EFR3B: variants seen among roughly 807,000 people sequenced by gnomAD.
EFR3B encodes protein EFR3 homolog B.
EFR3B carries 64 observed loss-of-function variants against 104.7 expected under a neutral mutation model. The ratio of observed to expected loss-of-function variants is 0.61; its 90% CI spans 0.50 to 0.75. The LOEUF (loss-of-function observed/expected upper bound fraction) is 0.75. Among genes scored for constraint, EFR3B ranks in the 30% least tolerant of loss-of-function variants. The pLI is 0.00. For missense variants in EFR3B, 750 were observed against 1,078.5 expected (o/e 0.70, Z 4.27); for synonymous variants, 385 against 417.9 (o/e 0.92, Z 0.96).
intron 4 of EFR3B, among the ~76,000 whole-genome samples, chr2:25,119,594 G>A (rs547789432): frequency 2.0e-5 from 3 of 152,272 alleles, no homozygotes; most frequent in East Asian, 1.9e-4. Context: ...CCTCTTCTGC[G>A]TCACCACATC....
chr2:25,142,241 G>A (rs1476861553), intron 17 of EFR3B, among the ~76,000 whole-genome samples: 1 of 152,032 alleles, frequency 6.6e-6, no homozygotes, highest in Non-Finnish European at 1.5e-5. Flanking sequence ...TCAGAAGTTC[G>A]AGACCATCCT....
At chr2:25,143,013 C>G (rs568676669) in intron 17 of EFR3B, among the ~76,000 whole-genome samples, 1,984 of 148,682 alleles carry the variant, frequency 0.013, 44 homozygotes, top group African/African-American at 0.044. Flanking sequence ...TTTGGGAGGC[C>G]GAGGCGGGCG....
chr2:25,123,844 T>A (rs1318356076), intron 5 of EFR3B, among the ~76,000 whole-genome samples: 3 of 152,218 alleles, frequency 2.0e-5, no homozygotes, highest in African/African-American at 7.2e-5. Context: ...ATACACATGA[T>A]CTGTAGTGTG....
At chr2:25,077,331 A>G (rs756001291) in intron 1 of EFR3B, among the ~76,000 whole-genome samples, 7 of 152,184 alleles carry the variant, frequency 4.6e-5, no homozygotes, top group Non-Finnish European at 1.0e-4. Context: ...GTTGTCGCCT[A>G]TGCTGGAGTG....
Position 25,136,717 on chromosome 2 carries a change from A to G in EFR3B, c.1560+119A>G, listed in dbSNP as rs575165724. On this transcript the variant is annotated intron_variant, in intron 14 of 22. Coordinates refer to ENST00000403714, the MANE Select transcript of EFR3B (RefSeq NM_014971.2). The surrounding 1 kb of genome is among the most constrained non-coding windows in gnomAD (Gnocchi z 4.0). ...GATCACTTGAGGTGGGGAGCTCGAG[A>G]CCAGCCAGACCAACATGGTAAAATC... The G allele has an allele frequency of 2.8e-4, 214 of 758,676 alleles. No homozygotes were observed. In the African/African-American group the frequency reaches 3.0e-3, roughly 11 times the overall value. The allele number at this position is 758,676 out of a possible 1,614,324, so 47.0% of individuals were successfully genotyped here.
intron 1 of EFR3B, among the ~76,000 whole-genome samples, chr2:25,053,916 CA>C (rs1310743746): frequency 5.3e-5 from 8 of 152,096 alleles, no homozygotes; most frequent in Non-Finnish European, 8.8e-5. Context: ...AACAAACAAA[CA>C]AAACCAAAAA....
chr2:25,118,766 C>T (rs1220487758), intron 4 of EFR3B, among the ~76,000 whole-genome samples: 1 of 118,702 alleles, frequency 8.4e-6, no homozygotes, highest in Non-Finnish European at 1.7e-5. Context: ...AAAGGCAGGG[C>T]GTGGTGGTTC....
At chr2:25,124,070 G>A (rs749225984) in intron 5 of EFR3B, among the ~76,000 whole-genome samples, 2 of 152,006 alleles carry the variant, frequency 1.3e-5, no homozygotes, top group Non-Finnish European at 2.9e-5. Context: ...TTTCTCTTCC[G>A]TCCCCTCCCT....
In EFR3B at chr2:25,139,142, C is replaced by A. The variant is rs1189113193; in HGVS notation, c.1806C>A (p.Leu602=). 1 of 1,551,716 alleles carries A rather than the reference C, an allele frequency of 6.4e-7. No individual in the cohort carries two copies. ...LYALGAAYLN[L]ISQLTTVPAF... The stretch of plus-strand genomic sequence containing the variant: ...CTCTGGGCGCAGCCTACCTGAACCT[C>A]ATCAGTCAGCTCACAACAGTGCCTG... Residue 602 remains leucine (L), a synonymous_variant, in exon 16 of 23, where the codon CTC becomes CTA. Coordinates refer to ENST00000403714, the MANE Select transcript of EFR3B (RefSeq NM_014971.2).
intron 1 of EFR3B, chr2:25,080,623 A>C (rs1668776207): frequency 3.5e-6 from 2 of 576,474 alleles, no homozygotes; most frequent in Non-Finnish European, 6.2e-6. Flanking sequence ...TATTGAGGCC[A>C]TGGCCAAACC....
At chr2:25,089,986 C>T (rs571816549) in intron 1 of EFR3B, among the ~76,000 whole-genome samples, 14 of 151,486 alleles carry the variant, frequency 9.2e-5, no homozygotes, top group Non-Finnish European at 1.6e-4. Flanking sequence ...CTTTCCTCCT[C>T]CAGTGGCACC....
rs536653245 is a variant in EFR3B at position 25,070,204 on chromosome 2, A to G, written c.8-21121A>G. On this transcript the variant is annotated intron_variant, in intron 1 of 22. Transcript: ENST00000403714. ...AGCCCCACCCCCAGAGTCGAGTCCC[A>G]CCTCCTACCTCATTACACAATATTT... Among the ~76,000 whole-genome samples the G allele has an allele frequency of 3.9e-5, 6 of 151,954 alleles. No homozygotes were observed. In the East Asian group the frequency reaches 1.2e-3, roughly 29 times the overall value.
At chr2:25,123,711 G>C (rs558024063) in intron 5 of EFR3B, among the ~76,000 whole-genome samples, 16 of 152,396 alleles carry the variant, frequency 1.0e-4, no homozygotes, top group Admixed American at 5.9e-4. Flanking sequence ...ACATATGTCT[G>C]TAACACATGC....
chr2:25,051,522 A>G (rs984449473), intron 1 of EFR3B, among the ~76,000 whole-genome samples: 1 of 152,038 alleles, frequency 6.6e-6, no homozygotes, highest in Non-Finnish European at 1.5e-5. Flanking sequence ...TTTGCGTACC[A>G]TATTTTAATT....
At chr2:25,064,256 G>A (rs1247664115) in intron 1 of EFR3B, among the ~76,000 whole-genome samples, 9 of 152,272 alleles carry the variant, frequency 5.9e-5, no homozygotes, top group Admixed American at 1.3e-4. Flanking sequence ...ATATTTGGGC[G>A]TTCGAATGAT....
intron 19 of EFR3B, among the ~76,000 whole-genome samples, chr2:25,149,170 G>A (rs1218562708): frequency 2.0e-5 from 3 of 151,728 alleles, no homozygotes; most frequent in Non-Finnish European, 2.9e-5. Flanking sequence ...CCAACATGGT[G>A]AAACCCGTCT....
Position 25,131,321 on chromosome 2 carries a change from G to A in EFR3B, c.850-47G>A. The A allele has an allele frequency of 6.5e-7, 1 of 1,539,642 alleles. No individual in the cohort carries two copies. Among genetic ancestry groups the A allele is most frequent in the Non-Finnish European group, 8.8e-7 (1 of 1,139,744 alleles). ...CCAGGAGAGGGCTGCGCAGCCCAGG[G>A]ACCCCGTGGGGTTGCTGTCCAGGCC... On this transcript the variant is annotated intron_variant, in intron 8 of 22. Transcript: ENST00000403714. This position sits in a 1 kb window ranked among gnomAD's most constrained non-coding sequence, Gnocchi z 7.6.
rs1028313407 is a variant in EFR3B at position 25,051,327 on chromosome 2, C to T, written c.7+9008C>T. ...TGGGGGTTTCACCCTGTTGGCCAGG[C>T]GGGTCTCGACCTCCTGACCTCAGGT... On this transcript the variant is annotated intron_variant, in intron 1 of 22. Coordinates refer to ENST00000403714, the MANE Select transcript of EFR3B (RefSeq NM_014971.2). 3.9e-5 allele frequency among the ~76,000 whole-genome samples: 6 copies of T among 152,016 alleles called. No homozygotes were observed. In the South Asian group the frequency reaches 6.2e-4, roughly 16 times the overall value.
chr2:25,099,430 C>T (rs935683861), intron 3 of EFR3B, among the ~76,000 whole-genome samples: 6 of 151,942 alleles, frequency 3.9e-5, no homozygotes, highest in African/African-American at 1.2e-4. Flanking sequence ...GGATAGAGCA[C>T]ACCTTGATCC....
Sources: gnomAD v4.1 joint callset for allele counts (sites outside exome capture counted in the v4.1 genomes callset) on GRCh38, gnomAD v4.1.1 for gene constraint, Gnocchi (gnomAD v3.1) non-coding constraint, MANE v1.5 for transcripts, NCBI Gene and HGNC (gene_info 2026-07-23, HGNC 2026-07-21) for gene names.